CPA1: variants seen among roughly 807,000 people sequenced by gnomAD.
The protein encoded by CPA1 is carboxypeptidase A1.
CPA1 carries 42 observed loss-of-function variants against 48.7 expected under a neutral mutation model. The observed-to-expected ratio is 0.86, with a 90% CI of 0.67 to 1.11. The LOEUF (loss-of-function observed/expected upper bound fraction) is 1.11, where lower values mean the gene tolerates loss of function less well. Ranked by LOEUF, CPA1 falls within the 50% of genes most tolerant of loss-of-function variation. The pLI is 0.00. For missense variants in CPA1, 477 were observed against 544.7 expected (o/e 0.88, Z 1.24); for synonymous variants, 203 against 217.9 (o/e 0.93, Z 0.60).
At chr7:130,384,303 C>T (rs746425244) in intron 6 of CPA1, 2 of 576,092 alleles carry the variant, frequency 3.5e-6, no homozygotes, top group Non-Finnish European at 3.1e-6. Context: ...CTCTTTCACC[C>T]GATGCCCCCT....
chr7:130,383,659 C>T (rs1796435287), intron 5 of CPA1, 25 bp from the exon 6 acceptor site: 1 of 1,570,172 alleles, frequency 6.4e-7, no homozygotes, highest in Non-Finnish European at 8.8e-7. Context: ...GCCTGCGCTG[C>T]CCCTCTGCTC....
In CPA1 at chr7:130,384,548, C is replaced by T. The variant is rs184981267; in HGVS notation, c.709C>T (p.Arg237Cys). ...TTTCCTTCCTCAGAATCGCATGTGG[C>T]GCAAGACTCGGTCCCACACAGCAGG... ...AFTHSTNRMWRKTRSHTAGSL... is the reference protein window; with the variant it reads ...AFTHSTNRMWCKTRSHTAGSL... The change falls in exon 7 of 10, where the codon CGC becomes TGC. Residue 237 changes from arginine (R) to cysteine (C), a missense_variant. Coordinates refer to ENST00000011292, the MANE Select transcript of CPA1 (RefSeq NM_001868.4). 1.1e-5 allele frequency: 17 copies of T among 1,614,038 alleles called. No homozygotes were observed. Among genetic ancestry groups the T allele is most frequent in the African/African-American group, 5.3e-5 (4 of 74,942 alleles).
At chr7:130,386,822 G>A (rs782286977) in intron 9 of CPA1, among the ~76,000 whole-genome samples, 3 of 152,196 alleles carry the variant, frequency 2.0e-5, no homozygotes, top group Non-Finnish European at 4.4e-5. Context: ...GGTGACGAAT[G>A]CTGGGGAGGA....
At position 130,385,333 on chromosome 7, in the gene CPA1, C is replaced by A. The variant is rs782658284; in HGVS notation, c.975C>A (p.Asp325Glu). 8 of 1,614,136 alleles carry A rather than the reference C, an allele frequency of 5.0e-6. No homozygotes were observed. The highest frequency in any genetic ancestry group is 5.9e-6 in the Non-Finnish European group (7 of 1,180,020). The change falls in exon 8 of 10, where the codon GAC (aspartate) becomes GAA (glutamate). Residue 325 changes from aspartate (D) to glutamate (E), a missense_variant. Asp to Glu is a conservative substitution (Grantham distance 45). Transcript: ENST00000011292. The stretch of plus-strand genomic sequence containing the variant: ...GCTACAAAACAGAACCAGTCCCTGA[C>A]CAGGATGAGCTGGTAGGCACTGACC... ...PYGYKTEPVP[D>E]QDELDQLSKA...
chr7:130,381,007 TG>T, intron 1 of CPA1, 90 bp from the exon 2 acceptor site: 1 of 1,027,992 alleles, frequency 9.7e-7, no homozygotes, highest in Non-Finnish European at 1.5e-6. Flanking sequence ...CTGGGGATTC[TG>T]GGCTGCTGCC....
rs368106753 is a variant in CPA1, at chr7:130,387,500, G to A, written c.1073-324G>A. On this transcript the variant is annotated intron_variant, in intron 9 of 9. Coordinates refer to ENST00000011292, the MANE Select transcript of CPA1 (RefSeq NM_001868.4). The surrounding 1 kb of genome is among the most constrained non-coding windows in gnomAD (Gnocchi z 4.6). ...TCCTGGTTACCCAAGCAGGGAACTC[G>A]GTATATTTAGGGGCTTCACCGAAAG... 2.0e-4 allele frequency among the ~76,000 whole-genome samples: 31 copies of A among 152,254 alleles called. No homozygotes were observed. The East Asian group carries it at 2.1e-3, about 10-fold the overall frequency.
intron 7 of CPA1, chr7:130,384,931 C>T (rs1403589861): frequency 9.8e-6 from 6 of 614,420 alleles, no homozygotes; most frequent in Admixed American, 2.9e-5. Flanking sequence ...CTGAGGAGCC[C>T]GTCTTCCCTC....
chr7:130,382,051 A>G (rs1584850965), intron 3 of CPA1, 57 bp from the exon 4 acceptor site: 1 of 1,427,594 alleles, frequency 7.0e-7, no homozygotes, highest in Non-Finnish European at 9.8e-7. Context: ...CTGCTAAGGG[A>G]AGCATCTGGG....
Position 130,382,109 on chromosome 7 carries a change from T to C in CPA1, c.383T>C (p.Ile128Thr). Residue 128 changes from isoleucine (I) to threonine (T), a missense_variant and splice_region_variant, in exon 4 of 10, where the codon ATC (isoleucine) becomes ACC (threonine). Physicochemically the swap from Ile to Thr is moderately conservative, Grantham distance 89. Transcript: ENST00000011292. ...GTGGTCTCTTCTTTCACACCTCAGA[T>C]CTATGACTTCCTGGACCTGCTGGTG... ...NYATYHTLEE[I>T]YDFLDLLVAE... The C allele has an allele frequency of 6.2e-7, 1 of 1,613,742 alleles. No individual in the cohort carries two copies.
intron 6 of CPA1, 64 bp from the exon 7 acceptor site, chr7:130,384,472 C>CCG (rs1360868528): frequency 1.4e-6 from 2 of 1,452,680 alleles, no homozygotes; most frequent in East Asian, 2.3e-5. Context: ...GAACCACCCC[C>CCG]CACCCAGCAC....
In CPA1 at chr7:130,381,125, C is replaced by T. The variant is rs565451182; in HGVS notation, c.93C>T (p.Ala31=). The change falls in exon 2 of 10, where the codon GCC becomes GCT. Residue 31 remains alanine, a synonymous_variant. Transcript: ENST00000011292. ...VGHQVLRISV[A]DEAQVQKVKE... ...ATCAGGTGCTCCGAATCTCTGTAGC[C>T]GATGAGGCCCAGGTACAGAAGGTGA... 27 of 1,613,564 alleles carry T rather than the reference C, an allele frequency of 1.7e-5. No homozygotes were observed. In the South Asian group the frequency reaches 1.8e-4, roughly 11 times the overall value.
chr7:130,381,922 G>A, intron 3 of CPA1, 59 bp downstream of exon 3: 2 of 1,513,232 alleles, frequency 1.3e-6, no homozygotes, highest in Non-Finnish European at 1.8e-6. Flanking sequence ...ATGGCTGGTA[G>A]AACGCGGTAG....
At chr7:130,380,674 A>C (rs1796392442) in intron 1 of CPA1, 89 bp downstream of exon 1, 4 of 741,986 alleles carry the variant, frequency 5.4e-6, no homozygotes, top group East Asian at 3.0e-5. Context: ...AGACAGATAC[A>C]TGGCAACACA....
chr7:130,386,733 G>A (rs1381277390), intron 9 of CPA1, among the ~76,000 whole-genome samples: 3 of 152,158 alleles, frequency 2.0e-5, no homozygotes, highest in African/African-American at 7.2e-5. Flanking sequence ...AGCCATGAAT[G>A]AAATAAGCAA....
At position 130,383,498 on chromosome 7, in the gene CPA1, G is replaced by T. The variant is rs781993813; in HGVS notation, c.585+6G>T. On this transcript the variant is annotated splice_donor_region_variant and intron_variant, in intron 5 of 9. Coordinates refer to ENST00000011292, the MANE Select transcript of CPA1 (RefSeq NM_001868.4). ...GGGTCTGGTTTGCAAAGAAGGTAAG[G>T]CCGGGGAGGTGAGGAGGGCTCTCAC... 6.2e-7 allele frequency: 1 copy of T among 1,612,326 alleles called. No homozygotes were observed. Among genetic ancestry groups the T allele is most frequent in the Non-Finnish European group, 8.5e-7 (1 of 1,178,540 alleles).
chr7:130,388,005 C>A lies in CPA1; in HGVS notation c.1254C>A (p.Pro418=). ...TCATGGAGCACACCCTGAATCACCC[C>A]TACTGAGCTGACCCTTTGACACCCT... ...LTIMEHTLNH[P]Y The change falls in exon 10 of 10, where the codon CCC becomes CCA. Residue 418 remains proline, a synonymous_variant. Transcript: ENST00000011292. The A allele has an allele frequency of 1.9e-6, 3 of 1,614,108 alleles. No individual in the cohort carries two copies. Among genetic ancestry groups the A allele is most frequent in the Non-Finnish European group, 1.7e-6 (2 of 1,180,014 alleles).
chr7:130,384,698 C>T, intron 7 of CPA1, 72 bp downstream of exon 7: 1 of 1,269,314 alleles, frequency 7.9e-7, no homozygotes, highest in East Asian at 2.3e-5. Flanking sequence ...CTCTTGCTCC[C>T]CGCCTCTCTC....
At position 130,384,545 on chromosome 7, in the gene CPA1, T is replaced by A. The variant is rs1554411717; in HGVS notation, c.706T>A (p.Trp236Arg). ...FAFTHSTNRM[W>R]RKTRSHTAGS... is the part of the protein sequence containing the mutation. ...CCATTTCCTTCCTCAGAATCGCATG[T>A]GGCGCAAGACTCGGTCCCACACAGC... The change falls in exon 7 of 10, where the codon TGG (tryptophan) becomes AGG (arginine). Residue 236 changes from tryptophan (W) to arginine (R), a missense_variant. Physicochemically the swap from Trp to Arg is moderately radical, Grantham distance 101 (BLOSUM62 -3). Transcript: ENST00000011292. The A allele has an allele frequency of 1.9e-6, 3 of 1,614,092 alleles. No homozygotes were observed. The highest frequency in any genetic ancestry group is 2.7e-5 in the African/African-American group (2 of 74,950).
intron 4 of CPA1, among the ~76,000 whole-genome samples, chr7:130,382,879 G>A (rs1171386883): frequency 1.3e-5 from 2 of 151,990 alleles, no homozygotes; most frequent in African/African-American, 4.8e-5. Flanking sequence ...TCCTGACCTT[G>A]TGATCTGCCT....
Sources: allele counts gnomAD v4.1 joint callset (sites outside exome capture counted in the v4.1 genomes callset), GRCh38; gene constraint gnomAD v4.1.1; non-coding constraint Gnocchi (gnomAD v3.1); transcripts MANE v1.5; gene names NCBI Gene and HGNC (gene_info 2026-07-23, HGNC 2026-07-21).